Variants in STK32A observed in about 807,000 individuals in gnomAD.
STK32A encodes the protein serine/threonine kinase 32A.
Under a neutral mutation model 53.2 loss-of-function variants are expected in STK32A, and 41 were observed. The observed-to-expected ratio is 0.77, with a 90% CI of 0.60 to 1.00. The LOEUF (loss-of-function observed/expected upper bound fraction) is 1.00. Among genes scored for constraint, STK32A ranks in the 50% least tolerant of loss-of-function variants. The pLI is 0.00. For synonymous variants in STK32A, 166 were observed against 162.8 expected (o/e 1.02, Z -0.15); for missense variants, 458 against 485.8 (o/e 0.94, Z 0.54).
chr5:147,243,952 G>A (rs908205670), intron 2 of STK32A, among the ~76,000 whole-genome samples: 17 of 151,878 alleles, frequency 1.1e-4, no homozygotes, highest in African/African-American at 3.9e-4. Flanking sequence ...GCACATTCAC[G>A]TTATCATACA....
Position 147,366,121 on chromosome 5 carries a change from T to G in STK32A, c.660+4507T>G, listed in dbSNP as rs540439246. On this transcript the variant is annotated intron_variant, in intron 8 of 12. Transcript: ENST00000397936. ...CACTCCCCACAACAAACTTCAGATGTCTTAGCTTGGCATTCTTCGGAATTA... is the reference window on the plus strand; with the variant it reads ...CACTCCCCACAACAAACTTCAGATGGCTTAGCTTGGCATTCTTCGGAATTA... 9.9e-4 allele frequency among the ~76,000 whole-genome samples: 150 copies of G among 152,214 alleles called. 1 individual carries two copies. The highest frequency in any genetic ancestry group is 1.2e-3 in the Non-Finnish European group (81 of 68,000).
chr5:147,323,156 G>A (rs933051638), intron 4 of STK32A, among the ~76,000 whole-genome samples: 3 of 152,228 alleles, frequency 2.0e-5, no homozygotes, highest in Non-Finnish European at 2.9e-5. Flanking sequence ...GTGAATGGGA[G>A]CGTAGGTCCA....
At chr5:147,254,688 G>A (rs941901019) in intron 2 of STK32A, among the ~76,000 whole-genome samples, 1 of 152,136 alleles carries the variant, frequency 6.6e-6, no homozygotes, top group Non-Finnish European at 1.5e-5. Flanking sequence ...ACCTAATTCT[G>A]ATTGGCTAAT....
the STK32A span, chr5:147,394,151 GA>G: frequency 8.5e-3 from 12,105 of 1,429,750 alleles, 52 homozygotes; most frequent in Middle Eastern, 0.015. Flanking sequence ...TTCCCAGGGG[GA>G]AAAAAAAAAC....
the STK32A span, among the ~76,000 whole-genome samples, chr5:147,396,865 GTATATA>G: frequency 0.017 from 2,517 of 144,574 alleles, 38 homozygotes; most frequent in Admixed American, 0.061. Context: ...GTATATGTGT[GTATATA>G]TATATATATA....
chr5:147,290,333 G>A (rs1463125593), intron 4 of STK32A, among the ~76,000 whole-genome samples: 2 of 152,132 alleles, frequency 1.3e-5, no homozygotes, highest in East Asian at 3.9e-4. Context: ...AACCTGACTT[G>A]CCTCCAGGGA....
At chr5:147,263,658 G>T (rs1364052793) in intron 2 of STK32A, among the ~76,000 whole-genome samples, 2 of 151,936 alleles carry the variant, frequency 1.3e-5, no homozygotes, top group African/African-American at 2.4e-5. Context: ...TATATTTAAA[G>T]AAAATTTCCA....
the STK32A span, chr5:147,393,669 C>T: frequency 2.1e-4 from 46 of 214,180 alleles, no homozygotes; most frequent in Non-Finnish European, 1.1e-4. Flanking sequence ...AAATAACCTG[C>T]GTCCCTTTTG....
intron 8 of STK32A, 88 bp from the exon 9 acceptor site, chr5:147,370,566 G>A (rs1756962757): frequency 2.5e-6 from 2 of 786,814 alleles, no homozygotes; most frequent in Non-Finnish European, 4.2e-6. Flanking sequence ...TATTTTATCG[G>A]TTGAAAGTTT....
chr5:147,326,847 T>C (rs978394092), intron 5 of STK32A, among the ~76,000 whole-genome samples: 26 of 152,146 alleles, frequency 1.7e-4, no homozygotes, highest in African/African-American at 6.0e-4. Context: ...TCAGGACCTA[T>C]GTCAACATCA....
At position 147,383,978 on chromosome 5, in the gene STK32A, T is replaced by G; in HGVS notation, c.1186T>G (p.Leu396Val). 1 of 1,602,952 alleles carries G rather than the reference T, an allele frequency of 6.2e-7. No individual in the cohort carries two copies. The change falls in exon 13 of 13, where the codon TTG becomes GTG. Residue 396 changes from leucine (L) to valine (V), a missense_variant. Physicochemically the swap from Leu to Val is conservative, Grantham distance 32. Transcript: ENST00000397936. ...PQGEDGQNNN[L>V] ...AGGTGAGGATGGTCAGAATAACAAC[T>G]TGTAAAGGCCTCATGTCTTCTTCTT... is the stretch of plus-strand genomic sequence containing the variant.
intron 5 of STK32A, among the ~76,000 whole-genome samples, chr5:147,336,825 T>C (rs1755152325): frequency 6.6e-6 from 1 of 152,226 alleles, no homozygotes; most frequent in South Asian, 2.1e-4. Context: ...CAGAATTATA[T>C]GTATAATATT....
intron 4 of STK32A, among the ~76,000 whole-genome samples, chr5:147,318,081 G>A (rs919600068): frequency 2.0e-5 from 3 of 151,950 alleles, no homozygotes; most frequent in African/African-American, 7.2e-5. Flanking sequence ...TAGCATTTGT[G>A]TGCTTTTTTT....
intron 4 of STK32A, among the ~76,000 whole-genome samples, chr5:147,317,711 C>T (rs1754076587): frequency 6.6e-6 from 1 of 152,130 alleles, no homozygotes; most frequent in African/African-American, 2.4e-5. Flanking sequence ...AAGACTGCCA[C>T]ATACATCAAT....
chr5:147,267,399 C>A (rs1424516790), intron 2 of STK32A, among the ~76,000 whole-genome samples: 1 of 152,040 alleles, frequency 6.6e-6, no homozygotes, highest in Non-Finnish European at 1.5e-5. Context: ...GAACTTGGAG[C>A]CACAAAAAGT....
intron 4 of STK32A, among the ~76,000 whole-genome samples, chr5:147,306,408 G>C (rs551269059): frequency 2.4e-4 from 37 of 152,018 alleles, no homozygotes; most frequent in South Asian, 1.7e-3. Context: ...TGTTGTTCCA[G>C]GTGCTGAAAT....
At chr5:147,286,260 T>C (rs969382475) in intron 4 of STK32A, among the ~76,000 whole-genome samples, 1 of 151,326 alleles carries the variant, frequency 6.6e-6, no homozygotes, top group African/African-American at 2.4e-5. Context: ...ACAATGGACT[T>C]TGGAGACTTA....
intron 3 of STK32A, among the ~76,000 whole-genome samples, chr5:147,278,828 G>C (rs1751896409): frequency 6.6e-6 from 1 of 152,014 alleles, no homozygotes; most frequent in Non-Finnish European, 1.5e-5. Flanking sequence ...AGTCCTTAAA[G>C]TCCTTTTTGG....
intron 1 of STK32A, among the ~76,000 whole-genome samples, chr5:147,235,436 G>A (rs1267300609): frequency 1.3e-5 from 2 of 152,338 alleles, no homozygotes; most frequent in African/African-American, 2.4e-5. Flanking sequence ...TTGCTGGGTT[G>A]AGACAAGTGA....
Sources: gnomAD v4.1 joint callset for allele counts (sites outside exome capture counted in the v4.1 genomes callset) on GRCh38, gnomAD v4.1.1 for gene constraint, MANE v1.5 for transcripts, NCBI Gene and HGNC (gene_info 2026-07-23, HGNC 2026-07-21) for gene names.